Variants in RNF25 observed in about 807,000 individuals in gnomAD.
The protein encoded by RNF25 is E3 ubiquitin-protein ligase RNF25.
RNF25 carries 32 observed loss-of-function variants against 65.0 expected under a neutral mutation model. The observed-to-expected ratio is 0.49, with a 90% CI of 0.37 to 0.66. RNF25 has a LOEUF of 0.66. Ranked by LOEUF, RNF25 falls within the 30% of genes least tolerant of loss-of-function variation. The pLI is 0.00. For synonymous variants in RNF25, 207 were observed against 221.2 expected (o/e 0.94, Z 0.57); for missense variants, 493 against 584.8 (o/e 0.84, Z 1.62).
chr2:218,664,862 C>T lies in RNF25; in HGVS notation c.678G>A (p.Gln226=), dbSNP rs574766451. The change falls in exon 9 of 10, where the codon CAG becomes CAA. Residue 226 remains glutamine, a synonymous_variant. Coordinates refer to ENST00000295704, the MANE Select transcript of RNF25 (RefSeq NM_022453.3). This position sits in a 1 kb window ranked among gnomAD's most constrained non-coding sequence, Gnocchi z 5.1. ...GCTGGCGCAAGCTCTCTGCACTGGG[C>T]TGGTACAGCTCCTGGAAGGAAGAAT... ...PEPQQPMELY[Q]PSAESLRQQE... The T allele has an allele frequency of 2.2e-5, 35 of 1,614,186 alleles. No homozygotes were observed. The South Asian group carries it at 3.3e-4, about 15-fold the overall frequency.
Position 218,665,263 on chromosome 2 carries a change from A to T in RNF25, c.574-16T>A. 6.2e-7 allele frequency: 1 copy of T among 1,610,400 alleles called. No homozygotes were observed. The highest frequency in any genetic ancestry group is 8.5e-7 in the Non-Finnish European group (1 of 1,177,534). On this transcript the variant is annotated splice_polypyrimidine_tract_variant and intron_variant, in intron 7 of 9. Coordinates refer to ENST00000295704, the MANE Select transcript of RNF25 (RefSeq NM_022453.3). The stretch of plus-strand genomic sequence containing the variant: ...CGACTGCCTTCTAAAAAAGAGAAAA[A>T]TCATATGCCTGTGTCACAGCCCAGG...
chr2:218,663,963 A>AC lies in RNF25; in HGVS notation c.1373dup (p.Ser459PhefsTer19), dbSNP rs1939752792. 2.1e-6 allele frequency: 3 copies of AC among 1,448,022 alleles called. No homozygotes were observed. Among genetic ancestry groups the AC allele is most frequent in the Non-Finnish European group, 2.7e-6 (3 of 1,098,662 alleles). The allele number at this position is 1,448,022 out of a possible 1,614,324, so 89.7% of individuals were successfully genotyped here. Reference sequence around the variant, plus strand: ...TTCCCCCCACCAAGTCCTGCTAGGAACCATCCTTAGATTCCAGGCCCAGGG... The same window carrying AC: ...TTCCCCCCACCAAGTCCTGCTAGGAACCCATCCTTAGATTCCAGGCCCAGGG... On this transcript the variant is annotated frameshift_variant, in exon 10 of 10. Transcript: ENST00000295704. LOFTEE classifies it high-confidence loss of function.
chr2:218,664,736 C>T lies in RNF25; in HGVS notation c.801+3G>A. ...CAGGACAACTGGGAAGCCCTTCCCTCACCTGCTGAAGGCTGATGAAGTATC... is the reference window on the plus strand; with the variant it reads ...CAGGACAACTGGGAAGCCCTTCCCTTACCTGCTGAAGGCTGATGAAGTATC... On this transcript the variant is annotated splice_donor_region_variant and intron_variant, in intron 9 of 9. Coordinates refer to ENST00000295704, the MANE Select transcript of RNF25 (RefSeq NM_022453.3). The surrounding 1 kb of genome is among the most constrained non-coding windows in gnomAD (Gnocchi z 5.1). 1 of 1,614,176 alleles carries T rather than the reference C, an allele frequency of 6.2e-7. No individual in the cohort carries two copies. The highest frequency in any genetic ancestry group is 8.5e-7 in the Non-Finnish European group (1 of 1,180,016).
At chr2:218,670,329 T>C (rs958669360) in intron 1 of RNF25, among the ~76,000 whole-genome samples, 2 of 151,432 alleles carry the variant, frequency 1.3e-5, no homozygotes, top group Non-Finnish European at 2.9e-5. Context: ...CTCAGTCAAG[T>C]GGCCCTTCAA....
intron 1 of RNF25, among the ~76,000 whole-genome samples, chr2:218,671,475 C>T (rs1029001284): frequency 1.3e-5 from 2 of 152,114 alleles, no homozygotes; most frequent in South Asian, 2.1e-4. Flanking sequence ...TACAATAGTC[C>T]TCACTAGTGC....
chr2:218,671,213 AT>A (rs1269088449), intron 1 of RNF25, among the ~76,000 whole-genome samples: 1 of 152,140 alleles, frequency 6.6e-6, no homozygotes, highest in Non-Finnish European at 1.5e-5. Context: ...ACTTAAGTAT[AT>A]TACAAATCCG....
Position 218,664,908 on chromosome 2 carries a change from C to T in RNF25, c.667-35G>A, listed in dbSNP as rs1309953096. ...AGAATGGCAGAGAGGAAATAATGAA[C>T]AGCAGAAGGCTGACTCAAACCTCTA... On this transcript the variant is annotated intron_variant, in intron 8 of 9. Transcript: ENST00000295704. The surrounding 1 kb of genome is among the most constrained non-coding windows in gnomAD (Gnocchi z 5.1). 2.5e-6 allele frequency: 4 copies of T among 1,612,568 alleles called. No homozygotes were observed. In the Admixed American group the frequency reaches 6.7e-5, roughly 27 times the overall value.
At chr2:218,667,443 C>T (rs923914205) in intron 5 of RNF25, among the ~76,000 whole-genome samples, 7 of 151,416 alleles carry the variant, frequency 4.6e-5, no homozygotes, top group Admixed American at 1.3e-4. Context: ...CTCCGCCTCC[C>T]GGGTTCAAGC....
chr2:218,668,593 T>C lies in RNF25; in HGVS notation c.116+12A>G. On this transcript the variant is annotated intron_variant, in intron 2 of 9. Transcript: ENST00000295704. Reference sequence around the variant, plus strand: ...TAGGGGGACTCCTGCCCACCACTGGTTGAATACATACCTGCCATTTCCTTT... The same window carrying C: ...TAGGGGGACTCCTGCCCACCACTGGCTGAATACATACCTGCCATTTCCTTT... 3 of 1,594,310 alleles carry C rather than the reference T, an allele frequency of 1.9e-6. No homozygotes were observed. Among genetic ancestry groups the C allele is most frequent in the Non-Finnish European group, 2.6e-6 (3 of 1,162,182 alleles).
intron 7 of RNF25, among the ~76,000 whole-genome samples, 188 bp downstream of exon 7, chr2:218,665,728 G>A (rs1021185414): frequency 2.0e-5 from 3 of 150,134 alleles, no homozygotes; most frequent in Admixed American, 1.3e-4. Flanking sequence ...GGGTGGCAGA[G>A]TGAGACTCCA....
Position 218,665,266 on chromosome 2 carries a change from A to G in RNF25, c.574-19T>C. ...CTGCCTTCTAAAAAAGAGAAAAATC[A>G]TATGCCTGTGTCACAGCCCAGGATG... is the stretch of plus-strand genomic sequence containing the variant. On this transcript the variant is annotated intron_variant, in intron 7 of 9. Transcript: ENST00000295704. 1 of 1,609,772 alleles carries G rather than the reference A, an allele frequency of 6.2e-7. No individual in the cohort carries two copies. Among genetic ancestry groups the G allele is most frequent in the Non-Finnish European group, 8.5e-7 (1 of 1,176,946 alleles).
chr2:218,667,723 T>C (rs577866162), intron 5 of RNF25, among the ~76,000 whole-genome samples, 189 bp downstream of exon 5: 1 of 152,298 alleles, frequency 6.6e-6, no homozygotes, highest in South Asian at 2.1e-4. Context: ...ATAGGCAACT[T>C]GGAGAAGCTA....
intron 1 of RNF25, among the ~76,000 whole-genome samples, chr2:218,669,825 G>A (rs908711979): frequency 2.6e-5 from 4 of 152,178 alleles, no homozygotes; most frequent in Admixed American, 2.0e-4. Context: ...ACAGATAACA[G>A]TGTAGTTCTG....
intron 7 of RNF25, 142 bp downstream of exon 7, chr2:218,665,773 TG>T: frequency 9.1e-7 from 1 of 1,096,232 alleles, no homozygotes; most frequent in Non-Finnish European, 1.3e-6. Context: ...CCCTTTATTC[TG>T]GACAGAGGTA....
chr2:218,664,414 A>T lies in RNF25; in HGVS notation c.923T>A (p.Leu308Gln). The change falls in exon 10 of 10, where the codon CTG becomes CAG. Residue 308 changes from leucine to glutamine, a missense_variant. Leu to Gln is a moderately radical substitution (Grantham distance 113). Transcript: ENST00000295704. This position sits in a 1 kb window ranked among gnomAD's most constrained non-coding sequence, Gnocchi z 5.1. ...ACATATGTGCTGGGTCGCCACAGGC[A>T]GAGGAGGTGGCAAAGTGGATTGGAC... ...PAVQSTLPPP[L>Q]PVATQHICEK... is the part of the protein sequence containing the mutation. The T allele has an allele frequency of 6.2e-7, 1 of 1,614,178 alleles. No individual in the cohort carries two copies.
At position 218,664,261 on chromosome 2, in the gene RNF25, TCC is replaced by T. The variant is rs1005432265; in HGVS notation, c.1074_1075del (p.Glu359ValfsTer5). The T allele has an allele frequency of 2.5e-6, 4 of 1,605,462 alleles. No homozygotes were observed. Among genetic ancestry groups the T allele is most frequent in the Non-Finnish European group, 3.4e-6 (4 of 1,174,816 alleles). On this transcript the variant is annotated frameshift_variant, in exon 10 of 10. Coordinates refer to ENST00000295704, the MANE Select transcript of RNF25 (RefSeq NM_022453.3). LOFTEE classifies it high-confidence loss of function. This position sits in a 1 kb window ranked among gnomAD's most constrained non-coding sequence, Gnocchi z 5.1. ...ACGGGTACCTTTAGGGGCGTGGCAC[TCC>T]CCTCCCTTTGGGTGCCTCCGTTCGG...
chr2:218,671,071 G>A (rs1011680869), intron 1 of RNF25, among the ~76,000 whole-genome samples: 1 of 152,176 alleles, frequency 6.6e-6, no homozygotes, highest in African/African-American at 2.4e-5. Flanking sequence ...TACTCGGAAG[G>A]CTGAGGCAGA....
At chr2:218,669,854 G>A (rs1173664179) in intron 1 of RNF25, among the ~76,000 whole-genome samples, 3 of 152,030 alleles carry the variant, frequency 2.0e-5, no homozygotes, top group Non-Finnish European at 4.4e-5. Flanking sequence ...GGGAGTGGGA[G>A]TCTCACAGTA....
chr2:218,664,613 C>A lies in RNF25; in HGVS notation c.802-78G>T. 6.4e-7 allele frequency: 1 copy of A among 1,573,640 alleles called. No homozygotes were observed. Among genetic ancestry groups the A allele is most frequent in the Non-Finnish European group, 8.7e-7 (1 of 1,153,904 alleles). On this transcript the variant is annotated intron_variant, in intron 9 of 9. Coordinates refer to ENST00000295704, the MANE Select transcript of RNF25 (RefSeq NM_022453.3). This position sits in a 1 kb window ranked among gnomAD's most constrained non-coding sequence, Gnocchi z 5.1. ...GAACTACAGGCCCCTCTCCTACTAT[C>A]TGGGCTGACCACGATCAGCCTATCA...
Sources: gnomAD v4.1 joint callset for allele counts (sites outside exome capture counted in the v4.1 genomes callset) on GRCh38, gnomAD v4.1.1 for gene constraint, Gnocchi (gnomAD v3.1) non-coding constraint, MANE v1.5 for transcripts, NCBI Gene and HGNC (gene_info 2026-07-23, HGNC 2026-07-21) for gene names.